Variants in WNK2 observed in about 807,000 individuals in gnomAD.
WNK2 encodes WNK lysine deficient protein kinase 2, also known as serine/threonine-protein kinase WNK2.
A neutral mutation model predicts 192.1 loss-of-function variants in WNK2; 67 were observed. That is an observed-to-expected ratio of 0.35 (90% CI 0.29 to 0.43). WNK2 has a LOEUF of 0.43. Ranked by LOEUF, WNK2 falls within the 20% of genes least tolerant of loss-of-function variation. The pLI is 1.00. For missense variants in WNK2, 2,698 were observed against 3,089.7 expected, an observed-to-expected ratio of 0.87 and a Z score of 3.01; for synonymous variants, 1,439 against 1,393.9, an observed-to-expected ratio of 1.03 and a Z score of -0.72.
Position 93,247,985 on chromosome 9 carries a change from C to T in WNK2, c.1834+151C>T, listed in dbSNP as rs886485162. ...CATGGCATCCCCTCGGAGGAGACAT[C>T]GTGTAGCTCTGAGCTGTCCTCACGT... On this transcript the variant is annotated intron_variant, in intron 8 of 29. Transcript: ENST00000427277. This position sits in a 1 kb window ranked among gnomAD's most constrained non-coding sequence, Gnocchi z 5.2. Among the ~76,000 whole-genome samples, 2 of 152,224 alleles carry T rather than the reference C, an allele frequency of 1.3e-5. No individual in the cohort carries two copies. The highest frequency in any genetic ancestry group is 2.9e-5 in the Non-Finnish European group (2 of 68,034).
chr9:93,185,090 C>T lies in WNK2; in HGVS notation c.161C>T (p.Pro54Leu). Residue 54 changes from proline (P) to leucine (L), a missense_variant, in exon 2 of 30, where the codon CCG becomes CTG. Physicochemically the swap from Pro to Leu is moderately conservative, Grantham distance 98 (BLOSUM62 -3). Around this residue, in one of 7 missense-constraint regions of WNK2, gnomAD observed 260 missense variants for 285.6 expected, o/e 0.91. Coordinates refer to ENST00000427277, the MANE Select transcript of WNK2 (RefSeq NM_006648.4). ...GTGGTAGAGTCGGACCAGGAGGAGC[C>T]GCCGGGCTTGGAGGCAGCCGAGGCG... ...RSVVESDQEE[P>L]PGLEAAEAPG... 2 of 1,315,288 alleles carry T rather than the reference C, an allele frequency of 1.5e-6. No homozygotes were observed. The highest frequency in any genetic ancestry group is 1.9e-6 in the Non-Finnish European group (2 of 1,028,806). 81.5% of individuals were successfully genotyped at this position (1,315,288 alleles called of 1,614,324 possible).
In WNK2 at chr9:93,220,298, C is replaced by G. The variant is rs201412740; in HGVS notation, c.682-9398C>G. The stretch of plus-strand genomic sequence containing the variant: ...TAGTGTCTGAGCCTAGGTTCCACCC[C>G]GTCTCTCTGATTGGAATAGCTTTTC... On this transcript the variant is annotated intron_variant, in intron 2 of 29. Coordinates refer to ENST00000427277, the MANE Select transcript of WNK2 (RefSeq NM_006648.4). 4.7e-4 allele frequency among the ~76,000 whole-genome samples: 72 copies of G among 152,280 alleles called. 1 individual carries two copies. The East Asian group carries it at 0.011, about 24-fold the overall frequency.
Position 93,202,325 on chromosome 9 carries a change from C to CGTGTGTGTGTGTGT in WNK2, c.681+16744_681+16757dup, listed in dbSNP as rs761769543. 7.5e-3 allele frequency among the ~76,000 whole-genome samples: 976 copies of CGTGTGTGTGTGTGT among 130,588 alleles called. 9 individuals carry two copies. Among genetic ancestry groups the CGTGTGTGTGTGTGT allele is most frequent in the Middle Eastern group, 0.011 (3 of 262 alleles). 85.7% of individuals were successfully genotyped at this position (130,588 alleles called of 152,430 possible). A position where few individuals can be genotyped will look rare whatever the true frequency, so the allele number is the denominator to read the frequency against. On this transcript the variant is annotated intron_variant, in intron 2 of 29. Transcript: ENST00000427277. ...GGGCCTCTGCTGGGCTCCGTGTGCACGTGTGTGTGTGTGTGTGTGTGTGTG... is the reference window on the plus strand; with the variant it reads ...GGGCCTCTGCTGGGCTCCGTGTGCACGTGTGTGTGTGTGTGTGTGTGTGTGTGTGTGTGTGTGTG...
At chr9:93,231,496 C>T (rs1838793585) in intron 4 of WNK2, among the ~76,000 whole-genome samples, 1 of 152,174 alleles carries the variant, frequency 6.6e-6, no homozygotes, top group Admixed American at 6.5e-5. Flanking sequence ...TGTGTGTGGG[C>T]ACTGTGGGCA....
chr9:93,224,460 A>G (rs1837463896), intron 2 of WNK2, among the ~76,000 whole-genome samples: 1 of 152,132 alleles, frequency 6.6e-6, no homozygotes, highest in Non-Finnish European at 1.5e-5. Flanking sequence ...TGTGTTTCCC[A>G]GGTGTCCTGG....
intron 29 of WNK2, chr9:93,318,131 C>G: frequency 5.9e-6 from 9 of 1,532,270 alleles, no homozygotes; most frequent in Non-Finnish European, 7.9e-6. Context: ...TGAATGCCAG[C>G]TTTTCCGTTC....
intron 2 of WNK2, among the ~76,000 whole-genome samples, chr9:93,189,975 A>C (rs532396307): frequency 1.3e-5 from 2 of 152,342 alleles, no homozygotes; most frequent in Non-Finnish European, 2.9e-5. Flanking sequence ...GGGGCAAGAC[A>C]ATCAGAAGGC....
intron 8 of WNK2, among the ~76,000 whole-genome samples, chr9:93,248,145 C>T (rs1842050209): frequency 6.6e-6 from 1 of 152,258 alleles, no homozygotes; most frequent in African/African-American, 2.4e-5. Context: ...GAGCAACTTC[C>T]AGGGTGGTGG....
At chr9:93,196,835 T>A (rs1187375323) in intron 2 of WNK2, among the ~76,000 whole-genome samples, 1 of 152,136 alleles carries the variant, frequency 6.6e-6, no homozygotes, top group Non-Finnish European at 1.5e-5. Context: ...GTGTCTGTCT[T>A]GGTTACCTTG....
Position 93,247,916 on chromosome 9 carries a change from A to T in WNK2, c.1834+82A>T, listed in dbSNP as rs1348340119. The T allele has an allele frequency of 2.1e-6, 3 of 1,420,858 alleles. No individual in the cohort carries two copies. The highest frequency in any genetic ancestry group is 1.3e-5 in the South Asian group (1 of 74,730). The allele number at this position is 1,420,858 out of a possible 1,614,324, so 88.0% of individuals were successfully genotyped here. The stretch of plus-strand genomic sequence containing the variant: ...CCAGCTATTGGGCAAAGAAAAATGA[A>T]GTCCTCTCCCTTTATTGGAATGCTT... On this transcript the variant is annotated intron_variant, in intron 8 of 29. Transcript: ENST00000427277. The surrounding 1 kb of genome is among the most constrained non-coding windows in gnomAD (Gnocchi z 5.2).
In WNK2 at chr9:93,299,061, C is replaced by A. The variant is rs1264598020; in HGVS notation, c.5924-9C>A. The A allele has an allele frequency of 6.2e-7, 1 of 1,607,578 alleles. No homozygotes were observed. Among genetic ancestry groups the A allele is most frequent in the East Asian group, 2.2e-5 (1 of 44,744 alleles). On this transcript the variant is annotated splice_polypyrimidine_tract_variant and intron_variant, in intron 24 of 29. Transcript: ENST00000427277. ...CATCGTGCCTGTCGCCTCTTCTCCC[C>A]CCGCCCAGGTCACTTGGCTGACTCC...
chr9:93,199,322 G>T (rs1482308963), intron 2 of WNK2, among the ~76,000 whole-genome samples: 1 of 152,172 alleles, frequency 6.6e-6, no homozygotes, highest in Non-Finnish European at 1.5e-5. Context: ...ATAGTCCTGG[G>T]CTCTGGACCT....
intron 2 of WNK2, among the ~76,000 whole-genome samples, chr9:93,206,890 C>T (rs1833491907): frequency 6.6e-6 from 1 of 152,124 alleles, no homozygotes; most frequent in Non-Finnish European, 1.5e-5. Flanking sequence ...GAGGGCTGGA[C>T]ATGGAGAGGG....
intron 26 of WNK2, among the ~76,000 whole-genome samples, chr9:93,301,698 T>A (rs577417631): frequency 6.6e-6 from 1 of 152,248 alleles, no homozygotes; most frequent in East Asian, 1.9e-4. Context: ...CTCTTCCGGC[T>A]CCTGCATGTG....
rs1474118766 is a variant in WNK2 at position 93,306,632 on chromosome 9, G to T, written c.6215-145G>T. The T allele has an allele frequency of 2.9e-6, 3 of 1,034,572 alleles. No homozygotes were observed. In the East Asian group the frequency reaches 7.1e-5, roughly 25 times the overall value. 64.1% of individuals were successfully genotyped at this position (1,034,572 alleles called of 1,614,324 possible). A position where few individuals can be genotyped will look rare whatever the true frequency, so the allele number is the denominator to read the frequency against. ...CTCCAGGGGCTGCCCCGTTTCCCCC[G>T]GCCGGGTCGGCCCTCTCTCTGAACT... On this transcript the variant is annotated intron_variant, in intron 26 of 29. Coordinates refer to ENST00000427277, the MANE Select transcript of WNK2 (RefSeq NM_006648.4).
chr9:93,198,596 C>T (rs1831721555), intron 2 of WNK2, among the ~76,000 whole-genome samples: 2 of 152,146 alleles, frequency 1.3e-5, no homozygotes, highest in Admixed American at 6.5e-5. Context: ...GGGAAGATGA[C>T]ATGATGGACA....
intron 19 of WNK2, among the ~76,000 whole-genome samples, chr9:93,287,387 G>C (rs969739401): frequency 4.5e-4 from 69 of 152,140 alleles, no homozygotes; most frequent in Non-Finnish European, 7.6e-4. Context: ...TGTTAGTCGT[G>C]GTCCCACCCA....
chr9:93,216,972 T>C lies in WNK2; in HGVS notation c.682-12724T>C, dbSNP rs1047501655. Among the ~76,000 whole-genome samples the C allele has an allele frequency of 7.9e-5, 12 of 152,200 alleles. No homozygotes were observed. The East Asian group carries it at 1.5e-3, about 20-fold the overall frequency. On this transcript the variant is annotated intron_variant, in intron 2 of 29. Coordinates refer to ENST00000427277, the MANE Select transcript of WNK2 (RefSeq NM_006648.4). ...CAATAAGATTCAAAAAAATCTTTTT[T>C]TTTTTGAGACGAAGTCTTGCTCTGT...
chr9:93,249,410 C>T (rs1052842954), intron 8 of WNK2, among the ~76,000 whole-genome samples: 2 of 152,214 alleles, frequency 1.3e-5, no homozygotes, highest in African/African-American at 4.8e-5. Flanking sequence ...AGGCCCACTT[C>T]CAGACCAACT....
Sources: gnomAD v4.1 joint callset for allele counts (sites outside exome capture counted in the v4.1 genomes callset) on GRCh38, gnomAD v4.1.1 for gene constraint, gnomAD v4.1.1 regional missense constraint, Gnocchi (gnomAD v3.1) non-coding constraint, MANE v1.5 for transcripts, NCBI Gene and HGNC (gene_info 2026-07-23, HGNC 2026-07-21) for gene names.